Variants in ABHD18 observed in about 807,000 individuals in gnomAD.
ABHD18 encodes the protein cardiolipin-specific deacylase, mitochondrial.
ABHD18 carries 55 observed loss-of-function variants against 65.9 expected under a neutral mutation model. The ratio of observed to expected loss-of-function variants is 0.84; its 90% CI spans 0.67 to 1.05. The LOEUF (loss-of-function observed/expected upper bound fraction) is 1.05. Among genes scored for constraint, ABHD18 ranks in the 50% least tolerant of loss-of-function variants. The pLI is 0.00. For missense variants in ABHD18, 533 were observed against 558.5 expected (o/e 0.95, Z 0.46); for synonymous variants, 181 against 180.2 (o/e 1.00, Z -0.04).
At chr4:128,033,414 A>C (rs1758481723) in intron 12 of ABHD18, among the ~76,000 whole-genome samples, 1 of 152,000 alleles carries the variant, frequency 6.6e-6, no homozygotes, top group Admixed American at 6.6e-5. Flanking sequence ...ATTATAATTC[A>C]CAGGGAACAA....
intron 1 of ABHD18, among the ~76,000 whole-genome samples, chr4:127,970,493 G>A (rs1211413899): frequency 6.6e-6 from 1 of 150,490 alleles, no homozygotes; most frequent in Non-Finnish European, 1.5e-5. Context: ...TCGGGAGGCT[G>A]AGGCAGAATT....
In ABHD18 at chr4:128,007,873, T is replaced by TA. The variant is rs1192574874; in HGVS notation, c.279-1040dup. 2.4e-4 allele frequency among the ~76,000 whole-genome samples: 37 copies of TA among 152,184 alleles called. 1 individual carries two copies. The highest frequency in any genetic ancestry group is 8.0e-4 in the African/African-American group (33 of 41,448). On this transcript the variant is annotated intron_variant, in intron 4 of 12. Coordinates refer to ENST00000645843, the MANE Select transcript of ABHD18 (RefSeq NM_001358451.3). ...AGATTCTATCATATACTAAAAGTTT[T>TA]AAAAAAAGACAACATAAACTCTTAT... is the stretch of plus-strand genomic sequence containing the variant.
At chr4:127,980,301 G>A (rs948986706) in intron 1 of ABHD18, among the ~76,000 whole-genome samples, 5 of 152,068 alleles carry the variant, frequency 3.3e-5, no homozygotes, top group Non-Finnish European at 7.4e-5. Context: ...CAGCAAGAAG[G>A]TCCTCACCAA....
intron 8 of ABHD18, among the ~76,000 whole-genome samples, chr4:128,017,939 A>G (rs1249387803): frequency 2.0e-5 from 3 of 152,050 alleles, no homozygotes; most frequent in African/African-American, 7.2e-5. Flanking sequence ...TCTCTTATTA[A>G]TCTTTGTCTT....
At chr4:127,977,361 A>C (rs1199867416) in intron 1 of ABHD18, among the ~76,000 whole-genome samples, 2 of 152,212 alleles carry the variant, frequency 1.3e-5, no homozygotes, top group African/African-American at 4.8e-5. Flanking sequence ...AATCCCAGCT[A>C]CTTGAGAAGC....
intron 1 of ABHD18, among the ~76,000 whole-genome samples, chr4:127,978,188 T>C (rs1034259445): frequency 6.6e-6 from 1 of 152,146 alleles, no homozygotes; most frequent in Non-Finnish European, 1.5e-5. Flanking sequence ...AATCCAAGTT[T>C]ATGAAAGACT....
At chr4:127,976,813 G>A (rs539524671) in intron 1 of ABHD18, among the ~76,000 whole-genome samples, 6 of 152,102 alleles carry the variant, frequency 3.9e-5, no homozygotes, top group African/African-American at 1.4e-4. Flanking sequence ...AGACCAAGGC[G>A]GGCGGATCAC....
chr4:128,037,580 T>C lies in ABHD18; in HGVS notation c.*1767T>C, dbSNP rs989602379. 2.6e-5 allele frequency: 4 copies of C among 152,074 alleles called. No homozygotes were observed. The highest frequency in any genetic ancestry group is 9.7e-5 in the African/African-American group (4 of 41,430). 9.4% of individuals were successfully genotyped at this position (152,074 alleles called of 1,614,324 possible). ...CTCGAATTCCTGACCTCAAGTGATA[T>C]GCCTGCCTTGGCCTCCCAAAGTGCT... is the stretch of plus-strand genomic sequence containing the variant. On this transcript the variant is annotated 3_prime_UTR_variant, in exon 13 of 13. Coordinates refer to ENST00000645843, the MANE Select transcript of ABHD18 (RefSeq NM_001358451.3).
Position 128,036,053 on chromosome 4 carries a change from A to G in ABHD18, c.*240A>G, listed in dbSNP as rs1167676794. 3.0e-6 allele frequency: 1 copy of G among 337,860 alleles called. No homozygotes were observed. The highest frequency in any genetic ancestry group is 5.3e-6 in the Non-Finnish European group (1 of 189,284). The allele number at this position is 337,860 out of a possible 1,614,324, so 20.9% of individuals were successfully genotyped here. A position where few individuals can be genotyped will look rare whatever the true frequency, so the allele number is the denominator to read the frequency against. ...TTACTATTGTTTATTGGAATCCCAT[A>G]TATTCAGTGTTTAGTCTGTTGTTAC... On this transcript the variant is annotated 3_prime_UTR_variant, in exon 13 of 13. Coordinates refer to ENST00000645843, the MANE Select transcript of ABHD18 (RefSeq NM_001358451.3).
chr4:127,997,048 TTAAAG>T (rs1212633146), intron 4 of ABHD18, among the ~76,000 whole-genome samples: 5 of 152,218 alleles, frequency 3.3e-5, no homozygotes, highest in African/African-American at 7.2e-5. Flanking sequence ...GATTAAGAGA[TTAAAG>T]TAAAGACAGG....
chr4:127,988,956 C>G (rs1224514763), intron 3 of ABHD18, among the ~76,000 whole-genome samples: 3 of 152,198 alleles, frequency 2.0e-5, no homozygotes, highest in Admixed American at 1.3e-4. Context: ...ATCACTGTAT[C>G]AAAGTGATAT....
chr4:127,994,164 G>A (rs773521920), intron 4 of ABHD18, among the ~76,000 whole-genome samples: 2 of 152,174 alleles, frequency 1.3e-5, no homozygotes, highest in Admixed American at 6.5e-5. Context: ...GATCTGTGGT[G>A]ACAGGTTTTA....
At chr4:128,031,375 G>A (rs956227971) in intron 12 of ABHD18, 1 of 153,122 alleles carries the variant, frequency 6.5e-6, no homozygotes, top group Middle Eastern at 3.1e-3. Flanking sequence ...GCTGAGGCAG[G>A]AGAATGGCAT....
chr4:128,024,805 G>A (rs1272615198), intron 10 of ABHD18, among the ~76,000 whole-genome samples: 1 of 151,792 alleles, frequency 6.6e-6, no homozygotes, highest in Non-Finnish European at 1.5e-5. Context: ...CGATTCTCCT[G>A]CCTCAGCCTC....
At chr4:127,982,883 C>T (rs1211377522) in intron 1 of ABHD18, 56 bp from the exon 2 acceptor site, 5 of 904,750 alleles carry the variant, frequency 5.5e-6, no homozygotes, top group South Asian at 2.0e-5. Context: ...GAAAATTGAC[C>T]TGCTACCTTG....
chr4:128,011,665 A>G lies in ABHD18; in HGVS notation c.443-8A>G. 2 of 1,547,650 alleles carry G rather than the reference A, an allele frequency of 1.3e-6. No homozygotes were observed. Among genetic ancestry groups the G allele is most frequent in the Non-Finnish European group, 1.7e-6 (2 of 1,145,380 alleles). On this transcript the variant is annotated splice_polypyrimidine_tract_variant and splice_region_variant and intron_variant, in intron 6 of 12. Coordinates refer to ENST00000645843, the MANE Select transcript of ABHD18 (RefSeq NM_001358451.3). ...TTTTAAAACTTTCTCTTTGACCCAC[A>G]TTCTTAAATGGCTGCAGGAAACCCA...
intron 1 of ABHD18, among the ~76,000 whole-genome samples, chr4:127,966,951 G>T (rs1335840683): frequency 3.3e-5 from 5 of 150,746 alleles, no homozygotes; most frequent in Non-Finnish European, 5.9e-5. Flanking sequence ...ATCAAGACCT[G>T]ATATTTTGTA....
At position 128,039,667 on chromosome 4, in the gene ABHD18, A is replaced by G. The variant is rs1323974502; in HGVS notation, c.*3854A>G. On this transcript the variant is annotated 3_prime_UTR_variant, in exon 13 of 13. Transcript: ENST00000645843. Reference sequence around the variant, plus strand: ...ATTGAAATTTTAAAAATCATTTCCAAATCTTTTATTATATTTCACAGTAAA... The same window carrying G: ...ATTGAAATTTTAAAAATCATTTCCAGATCTTTTATTATATTTCACAGTAAA... 1 of 152,134 alleles carries G rather than the reference A, an allele frequency of 6.6e-6. No homozygotes were observed. Among genetic ancestry groups the G allele is most frequent in the Non-Finnish European group, 1.5e-5 (1 of 68,026 alleles). 9.4% of individuals were successfully genotyped at this position (152,134 alleles called of 1,614,324 possible). A position where few individuals can be genotyped will look rare whatever the true frequency, so the allele number is the denominator to read the frequency against.
intron 3 of ABHD18, among the ~76,000 whole-genome samples, chr4:127,985,346 C>T (rs1189976959): frequency 6.6e-6 from 1 of 151,990 alleles, no homozygotes; most frequent in African/African-American, 2.4e-5. Context: ...ATCCCTCACT[C>T]GCCTTCAAGC....
Sources: gnomAD v4.1 joint callset for allele counts (sites outside exome capture counted in the v4.1 genomes callset) on GRCh38, gnomAD v4.1.1 for gene constraint, MANE v1.5 for transcripts, NCBI Gene and HGNC (gene_info 2026-07-23, HGNC 2026-07-21) for gene names.